The following ERAL1 variants were observed in gnomAD, a reference collection of about 807,000 sequenced individuals.
ERAL1 encodes GTPase Era, mitochondrial.
A neutral mutation model predicts 53.6 loss-of-function variants in ERAL1; 36 were observed. The ratio of observed to expected loss-of-function variants is 0.67; its 90% CI spans 0.51 to 0.89. ERAL1 has a LOEUF of 0.89. ERAL1 is among the 40% of genes least tolerant of loss of function. ERAL1 has a pLI of 0.00. For synonymous variants in ERAL1, 215 were observed against 211.8 expected (o/e 1.02, Z -0.13); for missense variants, 512 against 537.5 (o/e 0.95, Z 0.47).
Position 28,858,729 on chromosome 17 carries a change from C to G in ERAL1, c.865C>G (p.Gln289Glu). The change falls in exon 7 of 10, where the codon CAA becomes GAA. Residue 289 changes from glutamine (Q) to glutamate (E), a missense_variant. Coordinates refer to ENST00000254928, the MANE Select transcript of ERAL1 (RefSeq NM_005702.4). ...CCCAGCAGTTAAGGACCCAAACACACAATCTGTGGGAAATCCTCAGAGGAT... is the reference window on the plus strand; with the variant it reads ...CCCAGCAGTTAAGGACCCAAACACAGAATCTGTGGGAAATCCTCAGAGGAT... ...PSPAVKDPNT[Q>E]SVGNPQRIGW... 1 of 1,614,212 alleles carries G rather than the reference C, an allele frequency of 6.2e-7. No individual in the cohort carries two copies. The highest frequency in any genetic ancestry group is 8.5e-7 in the Non-Finnish European group (1 of 1,180,040).
chr17:28,855,042 C>T lies in ERAL1; in HGVS notation c.8C>T (p.Ala3Val), dbSNP rs778235128. 7.6e-6 allele frequency: 12 copies of T among 1,589,246 alleles called. No individual in the cohort carries two copies. The highest frequency in any genetic ancestry group is 3.5e-5 in the Admixed American group (2 of 57,344). Reference sequence around the variant, plus strand: ...CAGTGCCTTGCGGCTGTAATGGCTGCCCCCAGCTGGCGCGGGGCTAGGCTT... The same window carrying T: ...CAGTGCCTTGCGGCTGTAATGGCTGTCCCCAGCTGGCGCGGGGCTAGGCTT... MA[A>V]PSWRGARLVQ... Residue 3 changes from alanine to valine, a missense_variant, in exon 1 of 10, where the codon GCC becomes GTC. Coordinates refer to ENST00000254928, the MANE Select transcript of ERAL1 (RefSeq NM_005702.4).
At chr17:28,857,812 C>T in intron 3 of ERAL1, 127 bp from the exon 4 acceptor site, 2 of 1,101,562 alleles carry the variant, frequency 1.8e-6, no homozygotes, top group East Asian at 2.4e-5. Flanking sequence ...AAAAAACAAA[C>T]CTAAAGTCAA....
At position 28,858,486 on chromosome 17, in the gene ERAL1, G is replaced by A; in HGVS notation, c.711G>A (p.Lys237=). 1 of 1,614,094 alleles carries A rather than the reference G, an allele frequency of 6.2e-7. No homozygotes were observed. Among genetic ancestry groups the A allele is most frequent in the South Asian group, 1.1e-5 (1 of 91,072 alleles). The change falls in exon 6 of 10, where the codon AAG becomes AAA. Residue 237 remains lysine, a splice_region_variant and synonymous_variant. Transcript: ENST00000254928. ...TCCCTAGTGTCCTGGTCATGAACAA[G>A]GTGAGCACTACCCACCTGAGGAAGG... ...SQIPSVLVMN[K]VDCLKQKSVL... is the part of the protein sequence containing the mutation.
chr17:28,857,200 C>T (rs1338606256), intron 3 of ERAL1, among the ~76,000 whole-genome samples: 3 of 151,304 alleles, frequency 2.0e-5, no homozygotes, highest in Admixed American at 1.3e-4. Context: ...CTCTGCCTCC[C>T]GGGTTTAAGC....
Position 28,858,198 on chromosome 17 carries a change from G to A in ERAL1, c.589G>A (p.Ala197Thr). 1 of 1,614,012 alleles carries A rather than the reference G, an allele frequency of 6.2e-7. No homozygotes were observed. Among genetic ancestry groups the A allele is most frequent in the Non-Finnish European group, 8.5e-7 (1 of 1,180,034 alleles). ...AGATCCATGGAAGAGCATGGAATCTGCTGATCTTGGTTAGGTTCAGGATGG... is the reference window on the plus strand; with the variant it reads ...AGATCCATGGAAGAGCATGGAATCTACTGATCTTGGTTAGGTTCAGGATGG... ...LEDPWKSMES[A>T]DLVVVLVDVS... The change falls in exon 5 of 10, where the codon GCT (alanine) becomes ACT (threonine). Residue 197 changes from alanine to threonine, a missense_variant. Transcript: ENST00000254928.
chr17:28,858,490 A>C lies in ERAL1; in HGVS notation c.711+4A>C, dbSNP rs915135237. On this transcript the variant is annotated splice_donor_region_variant and intron_variant, in intron 6 of 9. Transcript: ENST00000254928. ...TAGTGTCCTGGTCATGAACAAGGTG[A>C]GCACTACCCACCTGAGGAAGGGGTC... 3 of 1,613,840 alleles carry C rather than the reference A, an allele frequency of 1.9e-6. No individual in the cohort carries two copies. Among genetic ancestry groups the C allele is most frequent in the African/African-American group, 1.3e-5 (1 of 74,888 alleles).
At chr17:28,856,768 G>T (rs567158103) in intron 3 of ERAL1, 186 bp downstream of exon 3, 1 of 550,580 alleles carries the variant, frequency 1.8e-6, no homozygotes, top group South Asian at 2.1e-5. Flanking sequence ...CTGGAGTGCA[G>T]TGACGCGATC....
chr17:28,859,047 T>C lies in ERAL1; in HGVS notation c.1044T>C (p.Cys348=), dbSNP rs766488412. The C allele has an allele frequency of 6.2e-7, 1 of 1,614,234 alleles. No individual in the cohort carries two copies. The highest frequency in any genetic ancestry group is 8.5e-7 in the Non-Finnish European group (1 of 1,180,038). ...CTAGCCAGACACCAGAAGAGATCTGTGCCAACATTATCCGAGAGAAGCTCC... is the reference window on the plus strand; with the variant it reads ...CTAGCCAGACACCAGAAGAGATCTGCGCCAACATTATCCGAGAGAAGCTCC... ...VLTSQTPEEI[C]ANIIREKLLE... is the part of the protein sequence containing the mutation. Residue 348 remains cysteine (C), a synonymous_variant, in exon 8 of 10, where the codon TGT becomes TGC. Coordinates refer to ENST00000254928, the MANE Select transcript of ERAL1 (RefSeq NM_005702.4).
In ERAL1 at chr17:28,856,383, G is replaced by A. The variant is rs2039243282; in HGVS notation, c.403G>A (p.Gly135Ser). The A allele has an allele frequency of 6.2e-7, 1 of 1,613,868 alleles. No homozygotes were observed. Among genetic ancestry groups the A allele is most frequent in the Admixed American group, 1.7e-5 (1 of 59,980 alleles). The change falls in exon 2 of 10, where the codon GGC becomes AGC. Residue 135 changes from glycine (G) to serine (S), a missense_variant. Physicochemically the swap from Gly to Ser is moderately conservative, Grantham distance 56. Transcript: ENST00000254928. ...GKSTLSNQLLGRKVFPVSRKV... is the reference protein window; with the variant it reads ...GKSTLSNQLLSRKVFPVSRKV... ...GTCAACACTCTCCAACCAGCTACTGGGCCGAAAGGTATGCTACACCCTTGA... is the reference window on the plus strand; with the variant it reads ...GTCAACACTCTCCAACCAGCTACTGAGCCGAAAGGTATGCTACACCCTTGA...
chr17:28,860,677 G>T lies in ERAL1; in HGVS notation c.*124G>T. The T allele has an allele frequency of 1.6e-6, 2 of 1,263,360 alleles. No homozygotes were observed. The highest frequency in any genetic ancestry group is 2.1e-6 in the Non-Finnish European group (2 of 943,904). 78.3% of individuals were successfully genotyped at this position (1,263,360 alleles called of 1,614,324 possible). ...AGACATGAACACTGACTGGCCACTAGCTGGCCTGGCCCTGTTGAGTCTGCA... is the reference window on the plus strand; with the variant it reads ...AGACATGAACACTGACTGGCCACTATCTGGCCTGGCCCTGTTGAGTCTGCA... On this transcript the variant is annotated 3_prime_UTR_variant, in exon 10 of 10. Transcript: ENST00000254928.
chr17:28,857,153 G>T (rs2039255276), intron 3 of ERAL1, among the ~76,000 whole-genome samples: 1 of 150,066 alleles, frequency 6.7e-6, no homozygotes, highest in South Asian at 2.1e-4. Context: ...TGTTGCCCAG[G>T]CTGGAGTTCA....
chr17:28,856,714 C>CTTTT (rs372784089), intron 3 of ERAL1, 132 bp downstream of exon 3: 4 of 603,014 alleles, frequency 6.6e-6, no homozygotes, highest in African/African-American at 2.0e-5. Context: ...TTTTCTTTTT[C>CTTTT]TTTTTTTTTT....
chr17:28,858,630 G>A lies in ERAL1; in HGVS notation c.766G>A (p.Glu256Lys). ...CCTGGAGCTCACGGCAGCCCTCACT[G>A]AAGGTGTGGTCAATGGCAAAAAGCT... is the stretch of plus-strand genomic sequence containing the variant. ...VLLELTAALT[E>K]GVVNGKKLKM... is the part of the protein sequence containing the mutation. The change falls in exon 7 of 10, where the codon GAA (glutamate) becomes AAA (lysine). Residue 256 changes from glutamate to lysine, a missense_variant. By Grantham distance (56) the Glu-to-Lys change is moderately conservative. Transcript: ENST00000254928. The A allele has an allele frequency of 6.2e-7, 1 of 1,614,200 alleles. No individual in the cohort carries two copies. The highest frequency in any genetic ancestry group is 8.5e-7 in the Non-Finnish European group (1 of 1,180,040).
Position 28,856,678 on chromosome 17 carries a change from T to G in ERAL1, c.489+96T>G, listed in dbSNP as rs765093489. 7 of 1,097,072 alleles carry G rather than the reference T, an allele frequency of 6.4e-6. No individual in the cohort carries two copies. In the East Asian group the frequency reaches 1.6e-4, roughly 26 times the overall value. 68.0% of individuals were successfully genotyped at this position (1,097,072 alleles called of 1,614,324 possible). ...GCCTTGAAGAAAATGATGGTCACAT[T>G]CATTTATGTGAGGAAAGGGGGTTTC... On this transcript the variant is annotated intron_variant, in intron 3 of 9. Coordinates refer to ENST00000254928, the MANE Select transcript of ERAL1 (RefSeq NM_005702.4).
At chr17:28,856,622 G>T (rs770296504) in intron 3 of ERAL1, 40 bp downstream of exon 3, 10 of 1,585,202 alleles carry the variant, frequency 6.3e-6, no homozygotes, top group South Asian at 1.1e-5. Context: ...CAGGACAGAG[G>T]GTGAAGCTAA....
In ERAL1 at chr17:28,858,404, G is replaced by A. The variant is rs1006198600; in HGVS notation, c.629G>A (p.Trp210Ter). 1 of 1,614,052 alleles carries A rather than the reference G, an allele frequency of 6.2e-7. No homozygotes were observed. Among genetic ancestry groups the A allele is most frequent in the African/African-American group, 1.3e-5 (1 of 75,012 alleles). ...GTTCTTGTGGATGTCTCAGACAAGTGGACACGGAACCAGCTCAGCCCCCAG... is the reference window on the plus strand; with the variant it reads ...GTTCTTGTGGATGTCTCAGACAAGTAGACACGGAACCAGCTCAGCCCCCAG... Reference protein sequence around the residue: ...VVVLVDVSDKWTRNQLSPQLL... With the variant: ...VVVLVDVSDK The change falls in exon 6 of 10, where the codon TGG becomes TAG. Residue 210 changes from tryptophan (W) to a stop codon, truncating the protein, a stop_gained. Transcript: ENST00000254928. LOFTEE classifies it high-confidence loss of function.
chr17:28,859,050 C>T lies in ERAL1; in HGVS notation c.1047C>T (p.Ala349=), dbSNP rs1316561419. Residue 349 remains alanine, a synonymous_variant, in exon 8 of 10, where the codon GCC becomes GCT. Coordinates refer to ENST00000254928, the MANE Select transcript of ERAL1 (RefSeq NM_005702.4). ...GCCAGACACCAGAAGAGATCTGTGC[C>T]AACATTATCCGAGAGAAGCTCCTAG... ...LTSQTPEEIC[A]NIIREKLLEH... The T allele has an allele frequency of 1.2e-6, 2 of 1,614,168 alleles. No homozygotes were observed. Among genetic ancestry groups the T allele is most frequent in the Admixed American group, 3.3e-5 (2 of 60,022 alleles).
chr17:28,859,018 C>T lies in ERAL1; in HGVS notation c.1015C>T (p.Leu339Phe), dbSNP rs768330084. 1 of 1,614,090 alleles carries T rather than the reference C, an allele frequency of 6.2e-7. No homozygotes were observed. The highest frequency in any genetic ancestry group is 1.3e-5 in the African/African-American group (1 of 74,934). The part of the protein sequence containing the change: ...PGPWEYHSAV[L>F]TSQTPEEICA... ...GCCCTGGGAGTACCACAGTGCAGTC[C>T]TCACTAGCCAGACACCAGAAGAGAT... The change falls in exon 8 of 10, where the codon CTC becomes TTC. Residue 339 changes from leucine (L) to phenylalanine (F), a missense_variant. Transcript: ENST00000254928.
At position 28,858,703 on chromosome 17, in the gene ERAL1, G is replaced by A; in HGVS notation, c.839G>A (p.Ser280Asn). 6.2e-7 allele frequency: 1 copy of A among 1,614,168 alleles called. No homozygotes were observed. Among genetic ancestry groups the A allele is most frequent in the South Asian group, 1.1e-5 (1 of 91,074 alleles). The change falls in exon 7 of 10, where the codon AGC becomes AAC. Residue 280 changes from serine (S) to asparagine (N), a missense_variant. Ser to Asn is a conservative substitution (Grantham distance 46). Coordinates refer to ENST00000254928, the MANE Select transcript of ERAL1 (RefSeq NM_005702.4). The part of the protein sequence containing the change: ...FHSHPGTHCP[S>N]PAVKDPNTQS... The stretch of plus-strand genomic sequence containing the variant: ...TCACACCCTGGCACCCATTGCCCCA[G>A]CCCAGCAGTTAAGGACCCAAACACA...
Sources: allele counts gnomAD v4.1 joint callset (sites outside exome capture counted in the v4.1 genomes callset), GRCh38; gene constraint gnomAD v4.1.1; transcripts MANE v1.5; gene names NCBI Gene and HGNC (gene_info 2026-07-23, HGNC 2026-07-21).